CSMD1: variants seen among roughly 807,000 people sequenced by gnomAD.
CSMD1 encodes the protein CUB and Sushi multiple domains 1, also known as CUB and sushi domain-containing protein 1.
A neutral mutation model predicts 417.5 loss-of-function variants in CSMD1; 213 were observed. The observed-to-expected ratio is 0.51, with a 90% CI of 0.46 to 0.57. The LOEUF (loss-of-function observed/expected upper bound fraction) is 0.57, where lower values mean the gene tolerates loss of function less well. Among genes scored for constraint, CSMD1 ranks in the 20% least tolerant of loss-of-function variants. The pLI, the probability that CSMD1 is intolerant of heterozygous loss-of-function variation, is 0.00. For synonymous variants in CSMD1, 2,862 were observed against 1,736.8 expected (o/e 1.65, Z -16.11); for missense variants, 6,923 against 4,529.7 (o/e 1.53, Z -15.17).
chr8:3,271,396 C>T (rs1433393253), intron 26 of CSMD1, among the ~76,000 whole-genome samples: 2 of 152,064 alleles, frequency 1.3e-5, no homozygotes, highest in South Asian at 2.1e-4. Flanking sequence ...CATACGTGTA[C>T]ATGTGTCTTT....
chr8:4,319,394 C>G (rs1371576541), intron 3 of CSMD1, among the ~76,000 whole-genome samples: 1 of 152,044 alleles, frequency 6.6e-6, no homozygotes, highest in Non-Finnish European at 1.5e-5. Context: ...CCTCTGGGGC[C>G]CATAATCGAT....
chr8:3,376,868 A>G (rs1314665765), intron 18 of CSMD1, among the ~76,000 whole-genome samples: 2 of 152,176 alleles, frequency 1.3e-5, no homozygotes, highest in African/African-American at 2.4e-5. Context: ...TGTTGCACGA[A>G]AAACCCATGG....
intron 2 of CSMD1, among the ~76,000 whole-genome samples, chr8:4,473,241 T>C (rs1800630210): frequency 6.6e-6 from 1 of 152,220 alleles, no homozygotes; most frequent in African/African-American, 2.4e-5. Flanking sequence ...TAAGCCATTT[T>C]GTAAAATTGT....
At chr8:3,020,629 C>A (rs1482504942) in intron 51 of CSMD1, among the ~76,000 whole-genome samples, 1 of 152,110 alleles carries the variant, frequency 6.6e-6, no homozygotes, top group African/African-American at 2.4e-5. Context: ...CCCATCTTGG[C>A]CTTCCCAGAA....
intron 5 of CSMD1, among the ~76,000 whole-genome samples, chr8:3,972,559 C>G (rs1228302990): frequency 6.6e-6 from 1 of 152,190 alleles, no homozygotes; most frequent in Non-Finnish European, 1.5e-5. Flanking sequence ...ATATTGCTCA[C>G]AGGGCCTCTT....
chr8:4,262,384 C>T (rs570665107), intron 3 of CSMD1, among the ~76,000 whole-genome samples: 20 of 152,174 alleles, frequency 1.3e-4, no homozygotes, highest in African/African-American at 4.8e-4. Context: ...TGAAAGGAAT[C>T]CCAAACCAGA....
At chr8:4,321,228 G>A (rs944855953) in intron 3 of CSMD1, among the ~76,000 whole-genome samples, 3 of 152,106 alleles carry the variant, frequency 2.0e-5, no homozygotes, top group African/African-American at 4.8e-5. Context: ...CGTTCATGAG[G>A]CGTGCCTACA....
At chr8:3,557,651 G>T (rs557562306) in intron 10 of CSMD1, among the ~76,000 whole-genome samples, 2 of 152,044 alleles carry the variant, frequency 1.3e-5, no homozygotes, top group East Asian at 3.9e-4. Flanking sequence ...TGCCTTCTGC[G>T]GAAATGCTTG....
At chr8:4,290,473 G>A (rs746655361) in intron 3 of CSMD1, among the ~76,000 whole-genome samples, 5 of 152,110 alleles carry the variant, frequency 3.3e-5, no homozygotes, top group Non-Finnish European at 1.5e-5. Flanking sequence ...CAAGGGTCAG[G>A]GACACTGCAT....
intron 2 of CSMD1, among the ~76,000 whole-genome samples, chr8:4,453,220 C>G (rs1178290759): frequency 4.2e-5 from 3 of 71,784 alleles, no homozygotes; most frequent in African/African-American, 1.1e-4. Context: ...CACAGAGACA[C>G]ACACACACAC....
At chr8:3,688,149 G>C (rs980551374) in intron 7 of CSMD1, among the ~76,000 whole-genome samples, 4 of 152,102 alleles carry the variant, frequency 2.6e-5, no homozygotes, top group African/African-American at 9.7e-5. Context: ...CTTATATTTA[G>C]ACACAATAAA....
At chr8:4,042,113 G>C (rs752934574) in intron 3 of CSMD1, among the ~76,000 whole-genome samples, 1 of 151,984 alleles carries the variant, frequency 6.6e-6, no homozygotes, top group African/African-American at 2.4e-5. Context: ...AAAAAAAGAA[G>C]AAAAGGAAAC....
intron 7 of CSMD1, among the ~76,000 whole-genome samples, chr8:3,645,749 G>C (rs563547052): frequency 6.6e-6 from 1 of 152,160 alleles, no homozygotes; most frequent in African/African-American, 2.4e-5. Context: ...GGAGGCAAAA[G>C]TTAGGTTATT....
chr8:4,927,506 C>G (rs1208909661), intron 1 of CSMD1, among the ~76,000 whole-genome samples: 1 of 152,116 alleles, frequency 6.6e-6, no homozygotes, highest in Non-Finnish European at 1.5e-5. Context: ...CTCTGCGATG[C>G]CAGTCCTTTT....
chr8:4,987,404 C>T (rs534381283), intron 1 of CSMD1, among the ~76,000 whole-genome samples: 13 of 152,274 alleles, frequency 8.5e-5, no homozygotes, highest in South Asian at 4.1e-4. Context: ...TTTAGGAAAA[C>T]GCTCAGTGCC....
At chr8:4,682,132 C>A (rs1160917281) in intron 1 of CSMD1, among the ~76,000 whole-genome samples, 1 of 152,122 alleles carries the variant, frequency 6.6e-6, no homozygotes, top group Admixed American at 6.6e-5. Flanking sequence ...AATTCTCATG[C>A]CTCAGCCTCC....
intron 1 of CSMD1, among the ~76,000 whole-genome samples, chr8:4,733,773 A>G (rs1810049638): frequency 6.6e-6 from 1 of 152,214 alleles, no homozygotes; most frequent in South Asian, 2.1e-4. Context: ...CAAACTTAAC[A>G]ACAACGACAA....
At chr8:4,477,113 G>T (rs1356295911) in intron 2 of CSMD1, among the ~76,000 whole-genome samples, 1 of 152,178 alleles carries the variant, frequency 6.6e-6, no homozygotes, top group Non-Finnish European at 1.5e-5. Context: ...CCCACCACCT[G>T]TCTCTTAAGA....
intron 23 of CSMD1, among the ~76,000 whole-genome samples, chr8:3,321,702 G>C (rs1051469059): frequency 1.2e-4 from 18 of 152,080 alleles, no homozygotes; most frequent in Non-Finnish European, 2.4e-4. Flanking sequence ...GTGTCTGTAA[G>C]TGCTTTTGAT....
Sources: gnomAD v4.1 joint callset for allele counts (sites outside exome capture counted in the v4.1 genomes callset) on GRCh38, gnomAD v4.1.1 for gene constraint, MANE v1.5 for transcripts, NCBI Gene and HGNC (gene_info 2026-07-23, HGNC 2026-07-21) for gene names.